PCDH15: variants seen among roughly 807,000 people sequenced by gnomAD.
The protein encoded by PCDH15 is protocadherin related 15, also known as protocadherin-15.
PCDH15 carries 129 observed loss-of-function variants against 178.5 expected under a neutral mutation model. That is an observed-to-expected ratio of 0.72 (90% CI 0.63 to 0.84). The LOEUF (loss-of-function observed/expected upper bound fraction) is 0.84, where lower values mean the gene tolerates loss of function less well. Among genes scored for constraint, PCDH15 ranks in the 40% least tolerant of loss-of-function variants. The probability of loss-of-function intolerance (pLI) is 0.00; values close to 1 mark genes in which losing one functional copy is unlikely to be tolerated. For synonymous variants in PCDH15, 800 were observed against 732.0 expected (o/e 1.09, Z -1.50); for missense variants, 2,230 against 2,099.9 (o/e 1.06, Z -1.21).
chr10:54,888,920 C>G (rs888325086), intron 3 of PCDH15, among the ~76,000 whole-genome samples: 9 of 149,564 alleles, frequency 6.0e-5, no homozygotes, highest in Admixed American at 1.3e-4. Flanking sequence ...GACTTGAATT[C>G]TTTTAATTGT....
chr10:54,860,808 AAT>A (rs1953824961), intron 3 of PCDH15, among the ~76,000 whole-genome samples: 1 of 152,136 alleles, frequency 6.6e-6, no homozygotes. Context: ...AACTTTGTCT[AAT>A]ATATTGGTTA....
intron 2 of PCDH15, among the ~76,000 whole-genome samples, chr10:54,543,434 C>G (rs1287209847): frequency 1.3e-5 from 2 of 152,266 alleles, no homozygotes; most frequent in East Asian, 1.9e-4. Context: ...TTTGCATGCT[C>G]CCCTAGAGGT....
At chr10:54,776,450 G>A (rs77537670) in intron 1 of PCDH15, among the ~76,000 whole-genome samples, 9 of 146,996 alleles carry the variant, frequency 6.1e-5, no homozygotes, top group African/African-American at 2.3e-4. Context: ...AAAAAAAAAA[G>A]ATTCCAAGCA....
chr10:54,527,783 G>A (rs754631203), intron 3 of PCDH15, 29 bp downstream of exon 3: 5 of 1,550,832 alleles, frequency 3.2e-6, no homozygotes, highest in Admixed American at 1.7e-5. Context: ...TCTTAGATAA[G>A]ACATTTGTAA....
intron 1 of PCDH15, among the ~76,000 whole-genome samples, chr10:54,700,455 G>A (rs1250270539): frequency 6.6e-6 from 1 of 151,944 alleles, no homozygotes. Context: ...CCAATCCAAG[G>A]AGTCTAAGGA....
At chr10:53,888,300 A>ATATATGTATATATATATATATACG (rs1554845155) in intron 26 of PCDH15, among the ~76,000 whole-genome samples, 14 of 82,014 alleles carry the variant, frequency 1.7e-4, no homozygotes, top group East Asian at 7.4e-4. Flanking sequence ...ACATATATAT[A>ATATATGTATATATATATATATACG]TATATATATG....
At chr10:54,808,044 T>A in intron 3 of PCDH15, among the ~76,000 whole-genome samples, 1 of 151,126 alleles carries the variant, frequency 6.6e-6, no homozygotes, top group South Asian at 2.1e-4. Context: ...GCCGAGCACC[T>A]TCTTATACCA....
At chr10:55,147,003 AATTT>A (rs1010803309) in intron 2 of PCDH15, among the ~76,000 whole-genome samples, 4 of 151,734 alleles carry the variant, frequency 2.6e-5, no homozygotes, top group Non-Finnish European at 5.9e-5. Flanking sequence ...ATTACTTTAA[AATTT>A]ATTTATTTTA....
intron 3 of PCDH15, among the ~76,000 whole-genome samples, chr10:54,894,224 C>A (rs1564610697): frequency 6.6e-6 from 1 of 152,028 alleles, no homozygotes; most frequent in Non-Finnish European, 1.5e-5. Context: ...AAAGTGCATT[C>A]ATAAAGCAAT....
At chr10:53,821,661 A>AGTAAG (rs1222854657) in intron 32 of PCDH15, 1 of 1,348,666 alleles carries the variant, frequency 7.4e-7, no homozygotes, top group African/African-American at 1.5e-5. Context: ...GTTTTTAAAA[A>AGTAAG]GTAAGGTAAA....
At chr10:53,961,544 G>A (rs569020401) in intron 22 of PCDH15, among the ~76,000 whole-genome samples, 45 of 151,620 alleles carry the variant, frequency 3.0e-4, no homozygotes, top group Admixed American at 1.4e-3. Flanking sequence ...AGATCAAAAC[G>A]CAAATTCTAG....
chr10:54,341,023 G>C (rs574813958), intron 6 of PCDH15, among the ~76,000 whole-genome samples: 2 of 152,218 alleles, frequency 1.3e-5, no homozygotes, highest in South Asian at 4.1e-4. Flanking sequence ...AGCTTCAAGT[G>C]TTTTCTATCT....
chr10:55,209,563 C>T (rs117766780), intron 1 of PCDH15, among the ~76,000 whole-genome samples: 3 of 151,876 alleles, frequency 2.0e-5, no homozygotes, highest in Non-Finnish European at 4.4e-5. Flanking sequence ...ACTGTCATAA[C>T]TTAGTATTGG....
At chr10:55,226,857 A>T (rs1241256880) in intron 1 of PCDH15, among the ~76,000 whole-genome samples, 7 of 152,058 alleles carry the variant, frequency 4.6e-5, no homozygotes, top group Non-Finnish European at 1.0e-4. Context: ...GATAGATATA[A>T]GTCAATAAAA....
chr10:55,018,357 C>T (rs1215335080), intron 2 of PCDH15, among the ~76,000 whole-genome samples: 1 of 151,988 alleles, frequency 6.6e-6, no homozygotes, highest in Non-Finnish European at 1.5e-5. Context: ...TGTATTTGCA[C>T]CTAACCTATG....
chr10:55,483,097 T>A (rs1589069500), intron 2 of PCDH15, among the ~76,000 whole-genome samples: 1 of 151,690 alleles, frequency 6.6e-6, no homozygotes, highest in Non-Finnish European at 1.5e-5. Flanking sequence ...CATTATAAAG[T>A]TGCCAAAAGC....
chr10:54,331,710 A>C (rs118177769), intron 6 of PCDH15, among the ~76,000 whole-genome samples: 2,602 of 152,116 alleles, frequency 0.017, 19 homozygotes, highest in Non-Finnish European at 0.026. Context: ...ATTGGTTTCT[A>C]GCATAAATAT....
chr10:55,487,683 TA>T (rs1386912611), intron 2 of PCDH15, among the ~76,000 whole-genome samples: 1 of 151,640 alleles, frequency 6.6e-6, no homozygotes, highest in African/African-American at 2.4e-5. Flanking sequence ...TAACATGCAA[TA>T]TTTAATTTCA....
chr10:54,964,080 C>CT (rs1838721532), intron 2 of PCDH15, among the ~76,000 whole-genome samples: 1 of 152,156 alleles, frequency 6.6e-6, no homozygotes, highest in African/African-American at 2.4e-5. Flanking sequence ...AGTGAGGCGT[C>CT]TTGTGTCTCA....
Sources: gnomAD v4.1 joint callset for allele counts (sites outside exome capture counted in the v4.1 genomes callset) on GRCh38, gnomAD v4.1.1 for gene constraint, MANE v1.5 for transcripts, NCBI Gene and HGNC (gene_info 2026-07-23, HGNC 2026-07-21) for gene names.